The following MSRA variants were observed in gnomAD, a reference collection of about 807,000 sequenced individuals.
MSRA encodes mitochondrial peptide methionine sulfoxide reductase.
MSRA carries 54 observed loss-of-function variants against 31.3 expected under a neutral mutation model. The ratio of observed to expected loss-of-function variants is 1.73; its 90% CI spans 1.39 to 2.17. MSRA has a LOEUF of 2.17. MSRA is among the 30% of genes most tolerant of loss of function. MSRA has a pLI of 0.00. For synonymous variants in MSRA, 169 were observed against 116.5 expected (o/e 1.45, Z -2.90); for missense variants, 507 against 300.9 (o/e 1.69, Z -5.07).
At chr8:10,350,563 C>T (rs1205086215) in intron 5 of MSRA, among the ~76,000 whole-genome samples, 1 of 152,194 alleles carries the variant, frequency 6.6e-6, no homozygotes, top group South Asian at 2.1e-4. Flanking sequence ...GATGTCTCAC[C>T]GAATTGGAAC....
intron 3 of MSRA, among the ~76,000 whole-genome samples, chr8:10,291,819 C>G (rs1247900813): frequency 6.6e-6 from 1 of 152,148 alleles, no homozygotes; most frequent in Non-Finnish European, 1.5e-5. Flanking sequence ...GTGTCTCCCT[C>G]TCCCCTCCAT....
Position 10,135,888 on chromosome 8 carries a change from A to G in MSRA, c.143-71945A>G, listed in dbSNP as rs539893916. 3.8e-4 allele frequency among the ~76,000 whole-genome samples: 58 copies of G among 152,316 alleles called. 1 individual carries two copies. In the South Asian group the frequency reaches 0.012, roughly 30 times the overall value. ...CACAGAGGCATAACGAACCATGCAG[A>G]AAGGTAGAATCCTCAGATGCTTTAT... is the stretch of plus-strand genomic sequence containing the variant. On this transcript the variant is annotated intron_variant, in intron 1 of 5. Coordinates refer to ENST00000317173, the MANE Select transcript of MSRA (RefSeq NM_012331.5).
chr8:10,207,875 C>A lies in MSRA; in HGVS notation c.185C>A (p.Pro62Gln). The A allele has an allele frequency of 6.2e-7, 1 of 1,612,416 alleles. No homozygotes were observed. The stretch of plus-strand genomic sequence containing the variant: ...GGCAACAGAACAGTCGAACCTTTCC[C>A]AGAGGGAACACAGATGGCTGTATTT... ...VNGNRTVEPF[P>Q]EGTQMAVFGM... is the part of the protein sequence containing the mutation. The change falls in exon 2 of 6, where the codon CCA (proline) becomes CAA (glutamine). Residue 62 changes from proline (P) to glutamine (Q), a missense_variant. Coordinates refer to ENST00000317173, the MANE Select transcript of MSRA (RefSeq NM_012331.5).
chr8:10,349,372 C>T (rs1803983228), intron 5 of MSRA, among the ~76,000 whole-genome samples: 1 of 152,168 alleles, frequency 6.6e-6, no homozygotes, highest in South Asian at 2.1e-4. Context: ...TTTTATCATC[C>T]TCGGCCTGCA....
intron 1 of MSRA, among the ~76,000 whole-genome samples, chr8:10,207,625 T>A (rs1809112599): frequency 1.3e-5 from 2 of 152,192 alleles, no homozygotes; most frequent in African/African-American, 4.8e-5. Flanking sequence ...CCTACTCATT[T>A]ATAAAATGAC....
intron 1 of MSRA, among the ~76,000 whole-genome samples, chr8:10,200,276 G>C (rs764968560): frequency 6.6e-6 from 1 of 152,188 alleles, no homozygotes; most frequent in Non-Finnish European, 1.5e-5. Flanking sequence ...TTTGTTTTTC[G>C]TGCTGTGATT....
At chr8:10,079,130 G>C (rs192569795) in intron 1 of MSRA, among the ~76,000 whole-genome samples, 46 of 152,244 alleles carry the variant, frequency 3.0e-4, no homozygotes, top group East Asian at 3.9e-4. Context: ...CCAGGTGAGA[G>C]ATAGCACCTG....
chr8:10,081,408 G>A (rs1798286565), intron 1 of MSRA, among the ~76,000 whole-genome samples: 1 of 152,160 alleles, frequency 6.6e-6, no homozygotes, highest in South Asian at 2.1e-4. Flanking sequence ...GTGTGACTCG[G>A]GGAGTTTGTG....
intron 1 of MSRA, among the ~76,000 whole-genome samples, chr8:10,155,002 T>TTTTATATATATATATATATATATA (rs1554468812): frequency 1.6e-5 from 2 of 123,898 alleles, no homozygotes; most frequent in African/African-American, 6.5e-5. Flanking sequence ...TGTATATATT[T>TTTTATATATATATATATATATATA]TATATATATA....
intron 1 of MSRA, among the ~76,000 whole-genome samples, chr8:10,181,391 G>A (rs1261927407): frequency 1.3e-5 from 2 of 150,964 alleles, no homozygotes; most frequent in Admixed American, 6.6e-5. Flanking sequence ...ACAGCGTGCA[G>A]TATAGCTTGT....
At chr8:10,126,173 G>C (rs1322513683) in intron 1 of MSRA, among the ~76,000 whole-genome samples, 1 of 152,184 alleles carries the variant, frequency 6.6e-6, no homozygotes, top group Non-Finnish European at 1.5e-5. Context: ...AATACTGCCT[G>C]GTGAGATGAG....
At chr8:10,176,621 T>G (rs1201896473) in intron 1 of MSRA, among the ~76,000 whole-genome samples, 1 of 152,248 alleles carries the variant, frequency 6.6e-6, no homozygotes, top group African/African-American at 2.4e-5. Context: ...TGCTTTCTTC[T>G]TTCCCCTTTT....
intron 1 of MSRA, among the ~76,000 whole-genome samples, chr8:10,138,350 G>C (rs560647510): frequency 4.0e-4 from 61 of 152,284 alleles, no homozygotes; most frequent in African/African-American, 1.5e-3. Context: ...ACACGGTGTG[G>C]ATGTCACAGT....
intron 3 of MSRA, among the ~76,000 whole-genome samples, chr8:10,277,990 T>C (rs1472252203): frequency 6.6e-6 from 1 of 152,218 alleles, no homozygotes; most frequent in Non-Finnish European, 1.5e-5. Context: ...CAGGGGCAAG[T>C]TGTAAACCTC....
chr8:10,173,840 A>G (rs1186694160), intron 1 of MSRA, among the ~76,000 whole-genome samples: 1 of 152,138 alleles, frequency 6.6e-6, no homozygotes, highest in African/African-American at 2.4e-5. Context: ...TTAACATTTA[A>G]TTCACACCAG....
intron 1 of MSRA, among the ~76,000 whole-genome samples, chr8:10,133,961 G>C (rs1361146296): frequency 6.6e-6 from 1 of 152,126 alleles, no homozygotes; most frequent in East Asian, 1.9e-4. Context: ...CTCCTGAGTA[G>C]CTGGGATTAC....
intron 3 of MSRA, among the ~76,000 whole-genome samples, chr8:10,275,420 A>T (rs1236034913): frequency 5.3e-5 from 8 of 152,216 alleles, no homozygotes; most frequent in Non-Finnish European, 7.3e-5. Flanking sequence ...TATTTTGTAG[A>T]TGCATCTTCT....
At chr8:10,104,844 T>G (rs1401660011) in intron 1 of MSRA, among the ~76,000 whole-genome samples, 2 of 152,128 alleles carry the variant, frequency 1.3e-5, no homozygotes, top group African/African-American at 4.8e-5. Context: ...TCCATTCAGA[T>G]GGTTGAGAGG....
intron 1 of MSRA, among the ~76,000 whole-genome samples, chr8:10,118,325 C>G (rs889556383): frequency 6.6e-6 from 1 of 152,110 alleles, no homozygotes; most frequent in African/African-American, 2.4e-5. Flanking sequence ...GTGCAGTGAA[C>G]CATGGGAAGT....
Sources: allele counts gnomAD v4.1 joint callset (sites outside exome capture counted in the v4.1 genomes callset), GRCh38; gene constraint gnomAD v4.1.1; transcripts MANE v1.5; gene names NCBI Gene and HGNC (gene_info 2026-07-23, HGNC 2026-07-21).